Variants in PCDHA1 observed in about 807,000 individuals in gnomAD.
PCDHA1 encodes protocadherin alpha-1.
In PCDHA1, 42 loss-of-function variants were observed where a neutral mutation model predicts 61.3. That is an observed-to-expected ratio of 0.69 (90% confidence interval 0.54 to 0.89). PCDHA1 has a LOEUF of 0.89. Ranked by LOEUF, PCDHA1 falls within the 40% of genes least tolerant of loss-of-function variation. PCDHA1 has a pLI of 0.00. For synonymous variants in PCDHA1, 610 were observed against 553.8 expected, an observed-to-expected ratio of 1.10 and a Z score of -1.43; for missense variants, 1,256 against 1,235.3, an observed-to-expected ratio of 1.02 and a Z score of -0.25.
rs2150311050 is a variant in PCDHA1, at chr5:140,841,098, T to C, written c.2394+52414T>C. The C allele has an allele frequency of 1.6e-4, 93 of 572,610 alleles. 1 individual carries two copies. The highest frequency in any genetic ancestry group is 1.4e-3 in the African/African-American group (77 of 53,518). The allele number at this position is 572,610 out of a possible 1,614,324, so 35.5% of individuals were successfully genotyped here. On this transcript the variant is annotated intron_variant, in intron 1 of 3. Transcript: ENST00000504120. ...GAAAGTGCATAGAAGAACCCAGATA[T>C]TGCGGAAGTAATTCATGTAATCATT...
intron 1 of PCDHA1, among the ~76,000 whole-genome samples, chr5:140,789,100 C>T (rs895624983): frequency 1.3e-5 from 2 of 152,224 alleles, no homozygotes; most frequent in Non-Finnish European, 1.5e-5. Context: ...CTTCCCTTTA[C>T]GTGGCTAAGT....
At chr5:140,893,066 A>G (rs1221245824) in intron 1 of PCDHA1, among the ~76,000 whole-genome samples, 1 of 152,248 alleles carries the variant, frequency 6.6e-6, no homozygotes, top group Admixed American at 6.5e-5. Flanking sequence ...ACTGCCATGA[A>G]TAACAGGATT....
At chr5:140,913,945 A>T (rs2076523304) in intron 1 of PCDHA1, among the ~76,000 whole-genome samples, 1 of 152,086 alleles carries the variant, frequency 6.6e-6, no homozygotes, top group Non-Finnish European at 1.5e-5. Flanking sequence ...AAGAATCTTG[A>T]TATGATATCA....
At chr5:140,988,874 T>G (rs1407460154) in intron 3 of PCDHA1, 2 of 152,194 alleles carry the variant, frequency 1.3e-5, no homozygotes, top group Non-Finnish European at 1.5e-5. Flanking sequence ...CACTCAGATG[T>G]ACGATCCTGG....
At chr5:140,928,096 C>T (rs145229632) in intron 1 of PCDHA1, 1 of 1,614,170 alleles carries the variant, frequency 6.2e-7, no homozygotes, top group Non-Finnish European at 8.5e-7. Context: ...GATTGATGGG[C>T]CCCTGGACCG....
At chr5:140,947,140 A>G (rs2094093806) in intron 1 of PCDHA1, among the ~76,000 whole-genome samples, 1 of 151,464 alleles carries the variant, frequency 6.6e-6, no homozygotes, top group Admixed American at 6.6e-5. Context: ...AGTAAAATGT[A>G]TAGTTACTTC....
intron 1 of PCDHA1, chr5:140,808,967 G>A (rs1554124926): frequency 6.2e-7 from 1 of 1,613,656 alleles, no homozygotes; most frequent in Non-Finnish European, 8.5e-7. Flanking sequence ...GGTGGCAAAG[G>A]TGCGCGCGGT....
At position 140,883,032 on chromosome 5, in the gene PCDHA1, C is replaced by G. The variant is rs2153389895; in HGVS notation, c.2394+94348C>G. The G allele has an allele frequency of 6.2e-6, 10 of 1,614,064 alleles. No individual in the cohort carries two copies. The South Asian group carries it at 8.8e-5, about 14-fold the overall frequency. ...TATAAAGTGACGGTGTTAGAGAACG[C>G]CTTCAATGGAACATTAGTGATCAAG... On this transcript the variant is annotated intron_variant, in intron 1 of 3. Transcript: ENST00000504120.
chr5:140,879,612 G>T (rs1554170881), intron 1 of PCDHA1, among the ~76,000 whole-genome samples: 1 of 152,172 alleles, frequency 6.6e-6, no homozygotes, highest in East Asian at 1.9e-4. Context: ...ATGTGTCCAG[G>T]TACTTAGGTG....
chr5:140,952,219 C>T (rs1442706652), intron 1 of PCDHA1, among the ~76,000 whole-genome samples: 24 of 152,086 alleles, frequency 1.6e-4, no homozygotes, highest in African/African-American at 4.8e-4. Flanking sequence ...CTTTTCCAGG[C>T]ACAGTGTGCA....
At chr5:140,819,318 G>A (rs1302745002) in intron 1 of PCDHA1, among the ~76,000 whole-genome samples, 3 of 152,048 alleles carry the variant, frequency 2.0e-5, no homozygotes, top group Non-Finnish European at 4.4e-5. Context: ...TCTGGGTTTT[G>A]TAAGGAATAA....
At chr5:140,843,618 A>C in intron 1 of PCDHA1, 1 of 1,596,148 alleles carries the variant, frequency 6.3e-7, no homozygotes, top group South Asian at 1.1e-5. Context: ...GGGCCACCGA[A>C]GACGGACCTC....
intron 1 of PCDHA1, among the ~76,000 whole-genome samples, chr5:140,896,543 T>C (rs2065615880): frequency 6.6e-6 from 1 of 151,466 alleles, no homozygotes; most frequent in Non-Finnish European, 1.5e-5. Flanking sequence ...TTTCTTTTTT[T>C]TTTTTGTATT....
intron 1 of PCDHA1, among the ~76,000 whole-genome samples, chr5:140,913,414 CA>C: frequency 6.6e-6 from 1 of 152,102 alleles, no homozygotes; most frequent in African/African-American, 2.4e-5. Context: ...TGAATTCCTG[CA>C]GTATCAGTTG....
intron 1 of PCDHA1, among the ~76,000 whole-genome samples, chr5:140,934,702 C>T (rs538683438): frequency 1.3e-5 from 2 of 152,158 alleles, no homozygotes; most frequent in South Asian, 4.2e-4. Context: ...GATTCCTGGC[C>T]ATCTTACAAA....
At chr5:140,897,915 T>C (rs2066399470) in intron 1 of PCDHA1, among the ~76,000 whole-genome samples, 1 of 152,246 alleles carries the variant, frequency 6.6e-6, no homozygotes. Context: ...ATTGTGGTTT[T>C]GATTTGCGTT....
At chr5:140,928,400 C>T (rs1441591334) in intron 1 of PCDHA1, 15 of 1,614,038 alleles carry the variant, frequency 9.3e-6, no homozygotes, top group Non-Finnish European at 1.3e-5. Context: ...GTGGAATCAT[C>T]CAGTGGGGCC....
At chr5:140,808,799 C>A (rs1207755540) in intron 1 of PCDHA1, 1 of 1,612,574 alleles carries the variant, frequency 6.2e-7, no homozygotes, top group East Asian at 2.2e-5. Context: ...GGTGACCGCT[C>A]GCGATGCCGG....
chr5:140,978,057 T>C (rs527562348), intron 1 of PCDHA1, among the ~76,000 whole-genome samples: 1 of 152,304 alleles, frequency 6.6e-6, no homozygotes, highest in South Asian at 2.1e-4. Context: ...ACTGATGATG[T>C]CCCAGTGATT....
Sources: allele counts gnomAD v4.1 joint callset (sites outside exome capture counted in the v4.1 genomes callset), GRCh38; gene constraint gnomAD v4.1.1; transcripts MANE v1.5; gene names NCBI Gene and HGNC (gene_info 2026-07-23, HGNC 2026-07-21).